Variants in NEDD4L observed in about 807,000 individuals in gnomAD.
The protein encoded by NEDD4L is NEDD4 like E3 ubiquitin protein ligase.
NEDD4L carries 54 observed loss-of-function variants against 148.9 expected under a neutral mutation model. The ratio of observed to expected loss-of-function variants is 0.36; its 90% confidence interval spans 0.29 to 0.45. NEDD4L has a LOEUF of 0.45. NEDD4L is among the 20% of genes least tolerant of loss of function. The probability of loss-of-function intolerance (pLI) is 1.00; values close to 1 mark genes in which losing one functional copy is unlikely to be tolerated. For synonymous variants in NEDD4L, 433 were observed against 440.7 expected (o/e 0.98, Z 0.22); for missense variants, 856 against 1,233.8 (o/e 0.69, Z 4.59).
intron 13 of NEDD4L, among the ~76,000 whole-genome samples, chr18:58,340,133 A>G (rs1300458834): frequency 1.3e-5 from 2 of 152,114 alleles, no homozygotes; most frequent in Admixed American, 6.5e-5. Context: ...TATTACATGC[A>G]TCGCCTATGC....
At chr18:58,132,096 G>A (rs1342557002) in intron 1 of NEDD4L, among the ~76,000 whole-genome samples, 3 of 152,156 alleles carry the variant, frequency 2.0e-5, no homozygotes, top group South Asian at 2.1e-4. Flanking sequence ...AAGTGCCAGC[G>A]TTAACCCCAG....
chr18:58,158,067 C>T (rs2035738794), intron 1 of NEDD4L, among the ~76,000 whole-genome samples: 1 of 152,200 alleles, frequency 6.6e-6, no homozygotes, highest in South Asian at 2.1e-4. Flanking sequence ...GCAAGGGTCT[C>T]TTATGATCCT....
chr18:58,330,499 A>T (rs914099909), intron 10 of NEDD4L, among the ~76,000 whole-genome samples: 1 of 152,152 alleles, frequency 6.6e-6, no homozygotes, highest in Admixed American at 6.5e-5. Context: ...TCATGGCCCT[A>T]CCACTTGCTA....
At chr18:58,167,959 G>A (rs990792829) in intron 2 of NEDD4L, among the ~76,000 whole-genome samples, 2 of 152,040 alleles carry the variant, frequency 1.3e-5, no homozygotes, top group South Asian at 4.1e-4. Context: ...TTCTAAGCCA[G>A]TTAAGTAGAT....
intron 2 of NEDD4L, among the ~76,000 whole-genome samples, chr18:58,174,562 G>C (rs533135382): frequency 6.6e-6 from 1 of 152,232 alleles, no homozygotes; most frequent in South Asian, 2.1e-4. Flanking sequence ...ATCGTGTCCT[G>C]GTGGCATCAT....
chr18:58,288,283 A>G (rs1198242868), intron 5 of NEDD4L, among the ~76,000 whole-genome samples: 2 of 152,212 alleles, frequency 1.3e-5, no homozygotes, highest in African/African-American at 4.8e-5. Context: ...TTTAAATGTA[A>G]TCTGTCTTTG....
chr18:58,225,324 A>G (rs1451480298), intron 2 of NEDD4L, among the ~76,000 whole-genome samples: 2 of 152,220 alleles, frequency 1.3e-5, no homozygotes, highest in Admixed American at 6.5e-5. Context: ...AGCAATAACC[A>G]GGTTAGGGAA....
chr18:58,083,958 T>A (rs915332561), intron 1 of NEDD4L, among the ~76,000 whole-genome samples: 2 of 152,224 alleles, frequency 1.3e-5, no homozygotes, highest in Non-Finnish European at 2.9e-5. Flanking sequence ...CTTGAACTCC[T>A]GACCTCAGGT....
Position 58,265,889 on chromosome 18 carries a change from TAAAG to T in NEDD4L, c.297+13839_297+13842del, listed in dbSNP as rs199624266. Reference sequence around the variant, plus strand: ...AAGTAGGCTTTATTTATGGAGTTTATAAAGAAACTGTTTATATATACAGGGGAGA... The same window carrying T: ...AAGTAGGCTTTATTTATGGAGTTTATAAACTGTTTATATATACAGGGGAGA... On this transcript the variant is annotated intron_variant, in intron 5 of 30. Transcript: ENST00000400345. 2.9e-3 allele frequency among the ~76,000 whole-genome samples: 442 copies of T among 151,906 alleles called. 8 individuals carry two copies. The East Asian group carries it at 0.03, about 10-fold the overall frequency.
intron 1 of NEDD4L, among the ~76,000 whole-genome samples, chr18:58,050,960 T>C (rs1472908325): frequency 6.6e-6 from 1 of 152,174 alleles, no homozygotes; most frequent in Non-Finnish European, 1.5e-5. Flanking sequence ...TGTTTTGGGA[T>C]TCTGGAGTAC....
chr18:58,306,914 G>A (rs566853473), intron 5 of NEDD4L, among the ~76,000 whole-genome samples: 1 of 152,300 alleles, frequency 6.6e-6, no homozygotes, highest in South Asian at 2.1e-4. Flanking sequence ...GATTACAGGC[G>A]TGAGCCACCA....
chr18:58,051,530 A>G (rs201659741), intron 1 of NEDD4L, among the ~76,000 whole-genome samples: 2 of 152,010 alleles, frequency 1.3e-5, no homozygotes, highest in East Asian at 1.9e-4. Context: ...GGTGTTTAAA[A>G]TGGCATCATG....
At chr18:58,053,757 G>A (rs2081981914) in intron 1 of NEDD4L, among the ~76,000 whole-genome samples, 1 of 152,228 alleles carries the variant, frequency 6.6e-6, no homozygotes, top group South Asian at 2.1e-4. Flanking sequence ...GGTAAATGCT[G>A]AGATTGTTGT....
At chr18:58,190,062 A>G (rs926069931) in intron 2 of NEDD4L, 18 of 152,234 alleles carry the variant, frequency 1.2e-4, no homozygotes, top group African/African-American at 3.4e-4. Flanking sequence ...TATGCAAACT[A>G]TTAACATTAT....
intron 18 of NEDD4L, among the ~76,000 whole-genome samples, chr18:58,353,636 A>G (rs2044207517): frequency 6.6e-6 from 1 of 152,248 alleles, no homozygotes; most frequent in African/African-American, 2.4e-5. Flanking sequence ...AAACTGCAGA[A>G]TACCTATCTT....
At chr18:58,171,400 C>T (rs1158112273) in intron 2 of NEDD4L, among the ~76,000 whole-genome samples, 23 of 116,370 alleles carry the variant, frequency 2.0e-4, no homozygotes, top group Admixed American at 1.8e-3. Context: ...CACTGCTGCC[C>T]GCCTCATCAC....
intron 1 of NEDD4L, among the ~76,000 whole-genome samples, chr18:58,095,447 C>T (rs1376627895): frequency 7.4e-6 from 1 of 134,594 alleles, no homozygotes; most frequent in Non-Finnish European, 1.6e-5. Flanking sequence ...GTTGCTCCCA[C>T]CGCGTGGGGA....
chr18:58,341,071 C>T lies in NEDD4L; in HGVS notation c.1159C>T (p.Leu387=), dbSNP rs2042358454. The T allele has an allele frequency of 6.2e-7, 1 of 1,611,332 alleles. No homozygotes were observed. The highest frequency in any genetic ancestry group is 1.3e-5 in the African/African-American group (1 of 75,012). The change falls in exon 14 of 31, where the codon CTG becomes TTG. Residue 387 remains leucine, a synonymous_variant. Coordinates refer to ENST00000400345, the MANE Select transcript of NEDD4L (RefSeq NM_001144967.3). ...GGCCTATGTACATACCACGCCGGGT[C>T]TGCCTTCAGGCTGGGAAGAAAGAAA... ...SVAYVHTTPG[L]PSGWEERKDA...
chr18:58,080,080 G>A (rs757125185), intron 1 of NEDD4L, among the ~76,000 whole-genome samples: 3 of 152,050 alleles, frequency 2.0e-5, no homozygotes, highest in Non-Finnish European at 4.4e-5. Flanking sequence ...GCGTAACACC[G>A]TGCCTTGCTA....
Sources: gnomAD v4.1 joint callset for allele counts (sites outside exome capture counted in the v4.1 genomes callset) on GRCh38, gnomAD v4.1.1 for gene constraint, MANE v1.5 for transcripts, NCBI Gene and HGNC (gene_info 2026-07-23, HGNC 2026-07-21) for gene names.